Variants in ARHGEF17 observed in about 807,000 individuals in gnomAD.
ARHGEF17 encodes the protein Rho guanine nucleotide exchange factor 17, also known as 164 kDa Rho-specific guanine-nucleotide exchange factor.
ARHGEF17 carries 80 observed loss-of-function variants against 174.0 expected under a neutral mutation model. The observed-to-expected ratio is 0.46, with a 90% CI of 0.38 to 0.55. The LOEUF is 0.55. Among genes scored for constraint, ARHGEF17 ranks in the 20% least tolerant of loss-of-function variants. The pLI is 0.00. For missense variants in ARHGEF17, 2,886 were observed against 2,839.7 expected, an observed-to-expected ratio of 1.02 and a Z score of -0.37; for synonymous variants, 1,311 against 1,189.1, an observed-to-expected ratio of 1.10 and a Z score of -2.11.
At chr11:73,364,682 G>A in intron 18 of ARHGEF17, 82 bp downstream of exon 18, 1 of 1,505,572 alleles carries the variant, frequency 6.6e-7, no homozygotes, top group Non-Finnish European at 8.8e-7. Flanking sequence ...CATGGTAGGG[G>A]CATAAGCAGC....
rs751073477 is a variant in ARHGEF17 at position 73,311,357 on chromosome 11, C to T, written c.2719C>T (p.Pro907Ser). The change falls in exon 1 of 21, where the codon CCC becomes TCC. Residue 907 changes from proline to serine, a missense_variant. This residue lies in a region of ARHGEF17 where 1,728 missense variants were observed against 1,461.2 expected (regional missense o/e 1.18). Coordinates refer to ENST00000263674, the MANE Select transcript of ARHGEF17 (RefSeq NM_014786.4). The part of the protein sequence containing the change: ...ATAHRNFHLD[P>S]KLADILSPRL... The stretch of plus-strand genomic sequence containing the variant: ...TGCCCACCGAAACTTTCACCTTGAC[C>T]CCAAGCTGGCTGACATTCTGTCCCC... The T allele has an allele frequency of 1.7e-5, 27 of 1,613,350 alleles. No individual in the cohort carries two copies. Among genetic ancestry groups the T allele is most frequent in the Admixed American group, 6.7e-5 (4 of 60,036 alleles).
intron 1 of ARHGEF17, among the ~76,000 whole-genome samples, chr11:73,314,737 G>GC (rs1358537323): frequency 6.6e-6 from 1 of 152,000 alleles, no homozygotes; most frequent in Non-Finnish European, 1.5e-5. Flanking sequence ...AGGCCTCCCT[G>GC]CCCCGCCCCT....
Position 73,364,199 on chromosome 11 carries a change from T to A in ARHGEF17, c.5361T>A (p.Ser1787=), listed in dbSNP as rs773815873. ...ATCTGAATAACCAGGTGTTTGTGTC[T>A]CTGGCCAATGGAGAGCTTGTGGTCT... ...ILYLNNQVFV[S]LANGELVVYQ... The change falls in exon 17 of 21, where the codon TCT becomes TCA. Residue 1787 remains serine, a synonymous_variant. Coordinates refer to ENST00000263674, the MANE Select transcript of ARHGEF17 (RefSeq NM_014786.4). 1 of 1,614,062 alleles carries A rather than the reference T, an allele frequency of 6.2e-7. No homozygotes were observed. Among genetic ancestry groups the A allele is most frequent in the Non-Finnish European group, 8.5e-7 (1 of 1,180,044 alleles).
chr11:73,333,448 G>A (rs1865241451), intron 1 of ARHGEF17, among the ~76,000 whole-genome samples: 1 of 152,254 alleles, frequency 6.6e-6, no homozygotes, highest in South Asian at 2.1e-4. Flanking sequence ...ATTCAGTAAG[G>A]CCTAAAAGCC....
intron 1 of ARHGEF17, among the ~76,000 whole-genome samples, chr11:73,320,361 C>T (rs1170385179): frequency 6.6e-6 from 1 of 151,784 alleles, no homozygotes; most frequent in Non-Finnish European, 1.5e-5. Flanking sequence ...TTCGGCCGGG[C>T]GCTGTGTCTC....
chr11:73,335,804 G>A lies in ARHGEF17; in HGVS notation c.3193-11079G>A, dbSNP rs140281470. Among the ~76,000 whole-genome samples the A allele has an allele frequency of 4.6e-5, 7 of 152,270 alleles. No homozygotes were observed. The East Asian group carries it at 1.2e-3, about 25-fold the overall frequency. ...CTCTGCTGCCAGGAAGCCTGGTGGG[G>A]AATTTAGAATCCATCTACACCTTCC... is the stretch of plus-strand genomic sequence containing the variant. On this transcript the variant is annotated intron_variant, in intron 1 of 20. Transcript: ENST00000263674.
chr11:73,311,002 G>A lies in ARHGEF17; in HGVS notation c.2364G>A (p.Val788=), dbSNP rs1023407768. Residue 788 remains valine (V), a synonymous_variant, in exon 1 of 21, where the codon GTG becomes GTA. Coordinates refer to ENST00000263674, the MANE Select transcript of ARHGEF17 (RefSeq NM_014786.4). ...GLTSGHSDWS[V]GSEESKGYQE... is the part of the protein sequence containing the mutation. ...CCAGTGGTCACAGTGACTGGTCTGT[G>A]GGCAGTGAAGAGAGCAAGGGATATC... is the stretch of plus-strand genomic sequence containing the variant. 3.1e-6 allele frequency: 5 copies of A among 1,614,066 alleles called. No homozygotes were observed. In the African/African-American group the frequency reaches 6.7e-5, roughly 22 times the overall value.
intron 1 of ARHGEF17, among the ~76,000 whole-genome samples, chr11:73,327,535 C>G (rs1174491206): frequency 6.6e-6 from 1 of 152,216 alleles, no homozygotes; most frequent in African/African-American, 2.4e-5. Context: ...CCTGCCTGGT[C>G]CACCATACAG....
intron 2 of ARHGEF17, among the ~76,000 whole-genome samples, chr11:73,347,474 G>C (rs536544109): frequency 6.6e-6 from 1 of 152,332 alleles, no homozygotes; most frequent in African/African-American, 2.4e-5. Context: ...CCTGCTAAGC[G>C]TGGGGTCAGG....
chr11:73,340,925 A>G (rs1052978448), intron 1 of ARHGEF17, among the ~76,000 whole-genome samples: 2 of 152,144 alleles, frequency 1.3e-5, no homozygotes, highest in Non-Finnish European at 2.9e-5. Flanking sequence ...GAAGCCCACA[A>G]TCCATCCAGT....
At chr11:73,352,554 T>C (rs1170530703) in intron 2 of ARHGEF17, among the ~76,000 whole-genome samples, 1 of 150,238 alleles carries the variant, frequency 6.7e-6, no homozygotes, top group Admixed American at 6.6e-5. Flanking sequence ...CTTGCTTTCC[T>C]CATTCCAAGC....
intron 1 of ARHGEF17, among the ~76,000 whole-genome samples, chr11:73,339,326 C>G (rs971921195): frequency 2.6e-5 from 4 of 152,218 alleles, no homozygotes; most frequent in African/African-American, 9.7e-5. Context: ...ATTGATTACT[C>G]ATGCATTAAA....
At chr11:73,314,703 G>C (rs902095889) in intron 1 of ARHGEF17, among the ~76,000 whole-genome samples, 1 of 152,086 alleles carries the variant, frequency 6.6e-6, no homozygotes, top group South Asian at 2.1e-4. Context: ...TCTGTGTGCC[G>C]GGAGGTGAGG....
At chr11:73,362,768 G>C (rs531648264) in intron 14 of ARHGEF17, 34 bp downstream of exon 14, 45 of 1,579,458 alleles carry the variant, frequency 2.8e-5, no homozygotes, top group Non-Finnish European at 3.4e-5. Flanking sequence ...ACTTGGCCTT[G>C]GCAGGCAGGG....
Position 73,308,757 on chromosome 11 carries a change from G to T in ARHGEF17, c.119G>T (p.Arg40Leu). ...GACACGGACACCCCCGGCTTGAGGC[G>T]ACGCGCCTCGTGCCGGCCGACCACG... Reference protein sequence around the residue: ...EEDTDTPGLRRRASCRPTTAA... With the variant: ...EEDTDTPGLRLRASCRPTTAA... Residue 40 changes from arginine (R) to leucine (L), a missense_variant, in exon 1 of 21, where the codon CGA becomes CTA. Coordinates refer to ENST00000263674, the MANE Select transcript of ARHGEF17 (RefSeq NM_014786.4). 1 of 1,467,308 alleles carries T rather than the reference G, an allele frequency of 6.8e-7. No homozygotes were observed. Among genetic ancestry groups the T allele is most frequent in the Non-Finnish European group, 9.0e-7 (1 of 1,116,766 alleles). The allele number at this position is 1,467,308 out of a possible 1,614,324, so 90.9% of individuals were successfully genotyped here. A position where few individuals can be genotyped will look rare whatever the true frequency, so the allele number is the denominator to read the frequency against.
chr11:73,365,274 C>G lies in ARHGEF17; in HGVS notation c.5551-116C>G, dbSNP rs1291451966. The G allele has an allele frequency of 8.2e-7, 1 of 1,225,498 alleles. No homozygotes were observed. Among genetic ancestry groups the G allele is most frequent in the Non-Finnish European group, 1.2e-6 (1 of 868,690 alleles). The allele number at this position is 1,225,498 out of a possible 1,614,324, so 75.9% of individuals were successfully genotyped here. On this transcript the variant is annotated intron_variant, in intron 18 of 20. Coordinates refer to ENST00000263674, the MANE Select transcript of ARHGEF17 (RefSeq NM_014786.4). This position sits in a 1 kb window ranked among gnomAD's most constrained non-coding sequence, Gnocchi z 4.9. The stretch of plus-strand genomic sequence containing the variant: ...ACCAAGCTTCGAAAGGTTAATCAGA[C>G]CAAGGACCAACGCTAGTGTGAGTTG...
In ARHGEF17 at chr11:73,364,237, C is replaced by A. The variant is rs1865799262; in HGVS notation, c.5399C>A (p.Ala1800Glu). The A allele has an allele frequency of 1.2e-6, 2 of 1,614,142 alleles. No homozygotes were observed. The highest frequency in any genetic ancestry group is 1.3e-5 in the African/African-American group (1 of 75,050). The change falls in exon 17 of 21, where the codon GCA becomes GAA. Residue 1800 changes from alanine (A) to glutamate (E), a missense_variant and splice_region_variant. This residue lies in a region of ARHGEF17 where 329 missense variants were observed against 435.2 expected (regional missense o/e 0.76). Coordinates refer to ENST00000263674, the MANE Select transcript of ARHGEF17 (RefSeq NM_014786.4). ...GAGCTTGTGGTCTACCAAAGGGAAG[C>A]AGGTGAGTATCTGCCCTCCCCCACA... ...NGELVVYQRE[A>E]GHFWDPQNFK...
At chr11:73,357,411 C>A in intron 9 of ARHGEF17, 84 bp downstream of exon 9, 1 of 1,303,544 alleles carries the variant, frequency 7.7e-7, no homozygotes, top group Non-Finnish European at 1.1e-6. Flanking sequence ...GCCAGTCTGG[C>A]TGCCTGTCCA....
chr11:73,331,931 C>G (rs976431186), intron 1 of ARHGEF17, among the ~76,000 whole-genome samples: 1 of 152,132 alleles, frequency 6.6e-6, no homozygotes, highest in African/African-American at 2.4e-5. Flanking sequence ...AGGGGTCCAG[C>G]CCAGCATGGC....
Sources: gnomAD v4.1 joint callset for allele counts (sites outside exome capture counted in the v4.1 genomes callset) on GRCh38, gnomAD v4.1.1 for gene constraint, gnomAD v4.1.1 regional missense constraint, Gnocchi (gnomAD v3.1) non-coding constraint, MANE v1.5 for transcripts, NCBI Gene and HGNC (gene_info 2026-07-23, HGNC 2026-07-21) for gene names.